The following CYP4A11 variants were observed in gnomAD, a reference collection of about 807,000 sequenced individuals.
CYP4A11 encodes cytochrome P450 4A11.
Under a neutral mutation model 57.7 loss-of-function variants are expected in CYP4A11, and 52 were observed. That is an observed-to-expected ratio of 0.90 (90% CI 0.72 to 1.14). The LOEUF (loss-of-function observed/expected upper bound fraction) is 1.14, where lower values mean the gene tolerates loss of function less well. Among genes scored for constraint, CYP4A11 ranks in the 50% most tolerant of loss-of-function variants. The pLI is 0.00. For synonymous variants in CYP4A11, 228 were observed against 247.1 expected (o/e 0.92, Z 0.72); for missense variants, 641 against 642.1 (o/e 1.00, Z 0.02).
chr1:46,932,545 A>G, intron 11 of CYP4A11: 1 of 1,425,010 alleles, frequency 7.0e-7, no homozygotes, highest in Non-Finnish European at 9.2e-7. Flanking sequence ...CCATTTGAAG[A>G]AGCAGAGGGA....
In CYP4A11 at chr1:46,929,255, G is replaced by A. The variant is rs1680867019; in HGVS notation, c.*860C>T. 6.6e-6 allele frequency: 1 copy of A among 152,198 alleles called. No individual in the cohort carries two copies. Among genetic ancestry groups the A allele is most frequent in the Non-Finnish European group, 1.5e-5 (1 of 68,034 alleles). The allele number at this position is 152,198 out of a possible 1,614,324, so 9.4% of individuals were successfully genotyped here. On this transcript the variant is annotated 3_prime_UTR_variant, in exon 12 of 12. Coordinates refer to ENST00000310638, the MANE Select transcript of CYP4A11 (RefSeq NM_000778.4). ...ATAGGAACAGACAAGCAGGCAGGAA[G>A]AAGGAGACAGGTGTATGGGCAGACA...
At chr1:46,937,966 A>G in intron 2 of CYP4A11, 30 bp downstream of exon 2, 1 of 1,613,140 alleles carries the variant, frequency 6.2e-7, no homozygotes, top group Non-Finnish European at 8.5e-7. Context: ...GGGAAGACAC[A>G]TTGCAGTTGG....
Position 46,932,762 on chromosome 1 carries a change from T to C in CYP4A11, c.1363A>G (p.Arg455Gly), listed in dbSNP as rs1313221822. Reference sequence around the variant, plus strand: ...GAATTACCACACAGGACGTCTCACCTTGATCCTCCTGAGAAGGGCAGGAAA... The same window carrying C: ...GAATTACCACACAGGACGTCTCACCCTGATCCTCCTGAGAAGGGCAGGAAA... ...HAFLPFSGGS[R>G]NCIGKQFAMN... The change falls in exon 11 of 12, where the codon AGG becomes GGG. Residue 455 changes from arginine to glycine, a missense_variant and splice_region_variant. Physicochemically the swap from Arg to Gly is moderately radical, Grantham distance 125 (BLOSUM62 -2). Coordinates refer to ENST00000310638, the MANE Select transcript of CYP4A11 (RefSeq NM_000778.4). The C allele has an allele frequency of 6.2e-7, 1 of 1,614,074 alleles. No homozygotes were observed.
At chr1:46,937,639 A>T (rs532164796) in intron 2 of CYP4A11, among the ~76,000 whole-genome samples, 2 of 152,294 alleles carry the variant, frequency 1.3e-5, no homozygotes, top group South Asian at 2.1e-4. Context: ...TACATTGATG[A>T]TTTCCTAGTC....
In CYP4A11 at chr1:46,938,055, C is replaced by T. The variant is rs747518415; in HGVS notation, c.278G>A (p.Gly93Asp). 4 of 1,614,192 alleles carry T rather than the reference C, an allele frequency of 2.5e-6. No homozygotes were observed. Among genetic ancestry groups the T allele is most frequent in the South Asian group, 2.2e-5 (2 of 91,078 alleles). Residue 93 changes from glycine (G) to aspartate (D), a missense_variant, in exon 2 of 12, where the codon GGC becomes GAC. By Grantham distance (94) the Gly-to-Asp change is moderately conservative. Coordinates refer to ENST00000310638, the MANE Select transcript of CYP4A11 (RefSeq NM_000778.4). ...GTCATAGAGCTGGACACGAACTTTGCCTCCCCATAGCCAATGAGGACAGGC... is the reference window on the plus strand; with the variant it reads ...GTCATAGAGCTGGACACGAACTTTGTCTCCCCATAGCCAATGAGGACAGGC... ...PSACPHWLWG[G>D]KVRVQLYDPD...
chr1:46,940,278 A>G (rs3886078), intron 1 of CYP4A11, among the ~76,000 whole-genome samples: 99,312 of 152,122 alleles, frequency 0.65, 34,524 homozygotes, highest in Non-Finnish European at 0.79. Context: ...TAGCTGATGA[A>G]CTCAAAAAAA....
chr1:46,931,205 C>A (rs1223608672), intron 11 of CYP4A11, among the ~76,000 whole-genome samples: 1 of 152,190 alleles, frequency 6.6e-6, no homozygotes, highest in East Asian at 1.9e-4. Flanking sequence ...CCTCTGCCTG[C>A]CACATCCTCA....
At chr1:46,931,876 C>T in intron 11 of CYP4A11, 5 of 949,340 alleles carry the variant, frequency 5.3e-6, no homozygotes, top group Non-Finnish European at 6.3e-6. Context: ...ACAATGATCT[C>T]CACCGCAACC....
chr1:46,932,904 A>G lies in CYP4A11; in HGVS notation c.1288-67T>C, dbSNP rs1432986321. The G allele has an allele frequency of 4.0e-5, 65 of 1,613,994 alleles. No individual in the cohort carries two copies. The East Asian group carries it at 1.3e-3, about 33-fold the overall frequency. Reference sequence around the variant, plus strand: ...CACCTACTTGCCACCCATGGGGGACAGGACTCCCAGAGGTGGAAGCAGGAG... The same window carrying G: ...CACCTACTTGCCACCCATGGGGGACGGGACTCCCAGAGGTGGAAGCAGGAG... On this transcript the variant is annotated intron_variant, in intron 10 of 11. Coordinates refer to ENST00000310638, the MANE Select transcript of CYP4A11 (RefSeq NM_000778.4).
At chr1:46,937,522 C>T (rs901224050) in intron 2 of CYP4A11, among the ~76,000 whole-genome samples, 176 bp from the exon 3 acceptor site, 2 of 152,204 alleles carry the variant, frequency 1.3e-5, no homozygotes, top group Non-Finnish European at 2.9e-5. Context: ...GGAAGACAGA[C>T]TCAGTGTTCC....
chr1:46,930,967 C>A lies in CYP4A11; in HGVS notation c.1365-657G>T, dbSNP rs1040912086. Among the ~76,000 whole-genome samples the A allele has an allele frequency of 2.0e-5, 3 of 152,308 alleles. No homozygotes were observed. In the East Asian group the frequency reaches 5.8e-4, roughly 29 times the overall value. On this transcript the variant is annotated intron_variant, in intron 11 of 11. Coordinates refer to ENST00000310638, the MANE Select transcript of CYP4A11 (RefSeq NM_000778.4). Reference sequence around the variant, plus strand: ...CCAGAAACATCCTTCCTTGCCCTTCCTCAGTATTCTTGCCTGGACTTTATG... The same window carrying A: ...CCAGAAACATCCTTCCTTGCCCTTCATCAGTATTCTTGCCTGGACTTTATG...
intron 1 of CYP4A11, among the ~76,000 whole-genome samples, chr1:46,940,270 G>A (rs1198416409): frequency 2.0e-5 from 3 of 152,184 alleles, no homozygotes; most frequent in Non-Finnish European, 4.4e-5. Context: ...ACTAATGATA[G>A]CTGATGAACT....
At chr1:46,933,197 G>A (rs540094739) in intron 9 of CYP4A11, 150 bp from the exon 10 acceptor site, 4 of 1,156,572 alleles carry the variant, frequency 3.5e-6, no homozygotes, top group Non-Finnish European at 5.0e-6. Flanking sequence ...ATGCAGGTGG[G>A]TTAGGCTTAA....
Position 46,938,926 on chromosome 1 carries a change from T to C in CYP4A11, c.196-789A>G, listed in dbSNP as rs1311809943. 9.2e-5 allele frequency among the ~76,000 whole-genome samples: 14 copies of C among 152,344 alleles called. No homozygotes were observed. In the East Asian group the frequency reaches 1.9e-3, roughly 21 times the overall value. ...CATCACCCGTTTGTTTCAGCTCCAA[T>C]GCCGATGCCACCACTGCTGCTGAAT... On this transcript the variant is annotated intron_variant, in intron 1 of 11. Coordinates refer to ENST00000310638, the MANE Select transcript of CYP4A11 (RefSeq NM_000778.4).
chr1:46,937,218 C>G, intron 3 of CYP4A11, 84 bp downstream of exon 3: 1 of 1,491,850 alleles, frequency 6.7e-7, no homozygotes, highest in Admixed American at 1.7e-5. Flanking sequence ...TAGTGGTGGC[C>G]TCTAATCTGT....
rs746943932 is a variant in CYP4A11, at chr1:46,932,838, C to G, written c.1288-1G>C. On this transcript the variant is annotated splice_acceptor_variant, in intron 10 of 11. Coordinates refer to ENST00000310638, the MANE Select transcript of CYP4A11 (RefSeq NM_000778.4). LOFTEE classifies it high-confidence loss of function. ...GTGCAAAACGGAAAGGGTCAAACAC[C>G]TGCAGAGAGAGCACCAGAGCCAGGA... is the stretch of plus-strand genomic sequence containing the variant. 1 of 1,614,192 alleles carries G rather than the reference C, an allele frequency of 6.2e-7. No individual in the cohort carries two copies. The highest frequency in any genetic ancestry group is 8.5e-7 in the Non-Finnish European group (1 of 1,180,030).
rs371275764 is a variant in CYP4A11 at position 46,930,113 on chromosome 1, C to T, written c.*2G>A. The T allele has an allele frequency of 3.7e-6, 6 of 1,607,356 alleles. No homozygotes were observed. The African/African-American group carries it at 8.0e-5, about 22-fold the overall frequency. ...GGAAGACAGGACGGCAGGTGGAGGC[C>T]CTCAAAGCTGGTCCTTGTCTTCACA... On this transcript the variant is annotated 3_prime_UTR_variant, in exon 12 of 12. Transcript: ENST00000310638.
At chr1:46,935,795 G>A (rs878902402) in intron 4 of CYP4A11, 148 bp from the exon 5 acceptor site, 41 of 1,456,260 alleles carry the variant, frequency 2.8e-5, no homozygotes, top group South Asian at 8.6e-5. Context: ...CAGAGCAGAT[G>A]CATTGTAGAA....
chr1:46,938,700 C>G (rs1681571490), intron 1 of CYP4A11, among the ~76,000 whole-genome samples: 1 of 152,152 alleles, frequency 6.6e-6, no homozygotes, highest in South Asian at 2.1e-4. Flanking sequence ...GGGATGGAGT[C>G]TGAGTATATG....
Sources: gnomAD v4.1 joint callset for allele counts (sites outside exome capture counted in the v4.1 genomes callset) on GRCh38, gnomAD v4.1.1 for gene constraint, MANE v1.5 for transcripts, NCBI Gene and HGNC (gene_info 2026-07-23, HGNC 2026-07-21) for gene names.